Variants in ERICH6B observed in about 807,000 individuals in gnomAD.
ERICH6B encodes the protein glutamate-rich protein 6B.
In ERICH6B, 69 loss-of-function variants were observed where a neutral mutation model predicts 80.0. The ratio of observed to expected loss-of-function variants is 0.86; its 90% CI spans 0.71 to 1.05. The LOEUF (loss-of-function observed/expected upper bound fraction) is 1.05, where lower values mean the gene tolerates loss of function less well. ERICH6B is among the 50% of genes least tolerant of loss of function. The probability of loss-of-function intolerance (pLI) is 0.00; values close to 1 mark genes in which losing one functional copy is unlikely to be tolerated. For synonymous variants in ERICH6B, 283 were observed against 291.9 expected, an observed-to-expected ratio of 0.97 and a Z score of 0.31; for missense variants, 754 against 796.1, an observed-to-expected ratio of 0.95 and a Z score of 0.64.
At position 45,541,696 on chromosome 13, in the gene ERICH6B, G is replaced by A. The variant is rs544624290; in HGVS notation, c.1873-16C>T. ...GGATCACAAACTGTGGGGATTCACAGAGGACTGGGTGAGAATGCATGCTGC... is the reference window on the plus strand; with the variant it reads ...GGATCACAAACTGTGGGGATTCACAAAGGACTGGGTGAGAATGCATGCTGC... On this transcript the variant is annotated splice_polypyrimidine_tract_variant and intron_variant, in intron 14 of 14. Coordinates refer to ENST00000298738, the MANE Select transcript of ERICH6B (RefSeq NM_182542.3). 5.2e-5 allele frequency: 80 copies of A among 1,549,534 alleles called. No individual in the cohort carries two copies. In the South Asian group the frequency reaches 5.6e-4, roughly 11 times the overall value.
At chr13:45,606,527 ATATATATATATATATATATATTTTTT>A (rs1329844875) in intron 2 of ERICH6B, among the ~76,000 whole-genome samples, 5 of 31,950 alleles carry the variant, frequency 1.6e-4, no homozygotes, top group Admixed American at 4.8e-4. Flanking sequence ...ATATATATAT[ATATATATATATATATATATATTTTTT>A]TTTTTTTTTT....
chr13:45,568,244 C>T (rs1198788616), intron 9 of ERICH6B, 71 bp downstream of exon 9: 43 of 1,443,766 alleles, frequency 3.0e-5, no homozygotes, highest in Middle Eastern at 1.8e-4. Flanking sequence ...GCTCAGTTTA[C>T]ACTTTCCCTG....
intron 11 of ERICH6B, 29 bp downstream of exon 11, chr13:45,561,340 A>G (rs1354251617): frequency 1.9e-6 from 3 of 1,541,692 alleles, no homozygotes; most frequent in Non-Finnish European, 2.6e-6. Context: ...TGTGCAAAGT[A>G]AAAAACAGCA....
At chr13:45,545,054 C>T in intron 13 of ERICH6B, 69 bp from the exon 14 acceptor site, 1 of 1,255,634 alleles carries the variant, frequency 8.0e-7, no homozygotes. Flanking sequence ...TCCTCTTCTC[C>T]TTCCCTTTCT....
chr13:45,574,958 G>T (rs1055122875), intron 7 of ERICH6B, 28 bp from the exon 8 acceptor site: 3 of 1,446,204 alleles, frequency 2.1e-6, no homozygotes, highest in African/African-American at 1.4e-5. Context: ...AGCGTCGAAA[G>T]GAAGGGCATG....
intron 5 of ERICH6B, among the ~76,000 whole-genome samples, chr13:45,584,813 T>A (rs1281741717): frequency 6.6e-6 from 1 of 152,184 alleles, no homozygotes; most frequent in Non-Finnish European, 1.5e-5. Context: ...ACCAGGCGGC[T>A]TCTTCCCTGG....
chr13:45,543,613 G>A (rs1873872951), intron 14 of ERICH6B, among the ~76,000 whole-genome samples: 1 of 152,180 alleles, frequency 6.6e-6, no homozygotes, highest in African/African-American at 2.4e-5. Flanking sequence ...GCAAGGAAGT[G>A]TCCCCCATTG....
intron 11 of ERICH6B, among the ~76,000 whole-genome samples, chr13:45,553,327 G>T (rs1285002422): frequency 2.6e-5 from 4 of 152,194 alleles, no homozygotes; most frequent in African/African-American, 9.7e-5. Context: ...GGGGTGGAGG[G>T]TTGGGGCCAC....
chr13:45,545,160 C>T (rs1302307553), intron 13 of ERICH6B, among the ~76,000 whole-genome samples, 175 bp from the exon 14 acceptor site: 1 of 152,212 alleles, frequency 6.6e-6, no homozygotes, highest in South Asian at 2.1e-4. Flanking sequence ...CTGTCCCCTG[C>T]GCTGGCCTCA....
intron 4 of ERICH6B, among the ~76,000 whole-genome samples, chr13:45,589,547 G>A (rs1876071049): frequency 6.6e-6 from 1 of 152,090 alleles, no homozygotes; most frequent in African/African-American, 2.4e-5. Context: ...CGTGAGGCTG[G>A]AACTCTTCCT....
At chr13:45,580,964 A>C (rs7334362) in intron 5 of ERICH6B, among the ~76,000 whole-genome samples, 1,629 of 152,268 alleles carry the variant, frequency 0.011, 30 homozygotes, top group African/African-American at 0.036. Context: ...GAATAGCTGG[A>C]AGGGCTGAGG....
Position 45,587,138 on chromosome 13 carries a change from A to C in ERICH6B, c.781T>G (p.Ser261Ala). ...PSPVSESATE[S>A]SELLLTLYRR... ...TACAATGTCAGAAGCAACTCAGAAG[A>C]CTCTGTGGCAGATTCAGAGACAGGA... Residue 261 changes from serine (S) to alanine (A), a missense_variant, in exon 5 of 15, where the codon TCT (serine) becomes GCT (alanine). Transcript: ENST00000298738. 3.9e-6 allele frequency: 6 copies of C among 1,551,516 alleles called. No individual in the cohort carries two copies. Among genetic ancestry groups the C allele is most frequent in the Non-Finnish European group, 5.2e-6 (6 of 1,146,956 alleles).
intron 5 of ERICH6B, among the ~76,000 whole-genome samples, chr13:45,582,806 C>A (rs975002354): frequency 6.6e-6 from 1 of 152,186 alleles, no homozygotes; most frequent in Non-Finnish European, 1.5e-5. Context: ...AAATGAAATG[C>A]CTTGTGGAAT....
chr13:45,610,833 C>CTGTGTGTGTGTGTG (rs10653696), intron 1 of ERICH6B, among the ~76,000 whole-genome samples: 172 of 147,466 alleles, frequency 1.2e-3, no homozygotes, highest in African/African-American at 3.9e-3. Context: ...TGTGGCAGGA[C>CTGTGTGTGTGTGTG]TGTGTGTGTG....
At chr13:45,565,792 C>G (rs987079253) in intron 9 of ERICH6B, among the ~76,000 whole-genome samples, 1 of 152,174 alleles carries the variant, frequency 6.6e-6, no homozygotes, top group Non-Finnish European at 1.5e-5. Flanking sequence ...AGTGTGAAAA[C>G]AGACTAATAC....
chr13:45,562,331 C>A (rs1197880065), intron 10 of ERICH6B, among the ~76,000 whole-genome samples: 6 of 152,230 alleles, frequency 3.9e-5, no homozygotes, highest in Non-Finnish European at 5.9e-5. Context: ...AGGCACCACA[C>A]CTGGCTGAGT....
At chr13:45,611,767 A>C (rs947286799) in intron 1 of ERICH6B, among the ~76,000 whole-genome samples, 1 of 152,234 alleles carries the variant, frequency 6.6e-6, no homozygotes. Flanking sequence ...TATTGGGCAG[A>C]TCTAATAAAT....
chr13:45,541,359 C>T lies in ERICH6B; in HGVS notation c.*103G>A, dbSNP rs1184692627. ...CCACGACAGGTCCCAAATTACAAAC[C>T]AACTCTCATAAAAGGTCAACAGGTC... is the stretch of plus-strand genomic sequence containing the variant. On this transcript the variant is annotated 3_prime_UTR_variant, in exon 15 of 15. Transcript: ENST00000298738. 2 of 1,014,458 alleles carry T rather than the reference C, an allele frequency of 2.0e-6. No homozygotes were observed. Among genetic ancestry groups the T allele is most frequent in the East Asian group, 2.6e-5 (1 of 38,078 alleles). 62.8% of individuals were successfully genotyped at this position (1,014,458 alleles called of 1,614,324 possible).
At chr13:45,550,399 C>A in intron 11 of ERICH6B, 83 bp from the exon 12 acceptor site, 1 of 1,145,490 alleles carries the variant, frequency 8.7e-7, no homozygotes, top group South Asian at 1.4e-5. Context: ...GTGTGGACCC[C>A]ATCTGCTTGC....
Sources: allele counts gnomAD v4.1 joint callset (sites outside exome capture counted in the v4.1 genomes callset), GRCh38; gene constraint gnomAD v4.1.1; transcripts MANE v1.5; gene names NCBI Gene and HGNC (gene_info 2026-07-23, HGNC 2026-07-21).